The following FHIT variants were observed in gnomAD, a reference collection of about 807,000 sequenced individuals.
FHIT encodes bis(5'-adenosyl)-triphosphatase.
A neutral mutation model predicts 17.9 loss-of-function variants in FHIT; 19 were observed. The observed-to-expected ratio is 1.06, with a 90% CI of 0.74 to 1.56. The LOEUF is 1.56. FHIT is among the 40% of genes most tolerant of loss of function. The pLI is 0.00. For synonymous variants in FHIT, 81 were observed against 69.7 expected (o/e 1.16, Z -0.81); for missense variants, 248 against 189.2 (o/e 1.31, Z -1.82).
At chr3:60,003,552 C>G (rs666083) in intron 7 of FHIT, among the ~76,000 whole-genome samples, 2 of 151,876 alleles carry the variant, frequency 1.3e-5, no homozygotes, top group Admixed American at 1.3e-4. Context: ...TGAGACCAGC[C>G]TGGCCAACAT....
intron 4 of FHIT, among the ~76,000 whole-genome samples, chr3:60,650,446 A>G (rs1392523392): frequency 6.6e-6 from 1 of 152,128 alleles, no homozygotes; most frequent in Non-Finnish European, 1.5e-5. Context: ...TAGTCAGTCC[A>G]CTGTTTATCA....
intron 8 of FHIT, among the ~76,000 whole-genome samples, chr3:59,828,468 T>C: frequency 6.6e-6 from 1 of 152,218 alleles, no homozygotes; most frequent in Admixed American, 6.5e-5. Flanking sequence ...CTTTATACTC[T>C]GAAGCAAAGT....
At chr3:59,991,295 G>C (rs1709222562) in intron 7 of FHIT, among the ~76,000 whole-genome samples, 1 of 152,070 alleles carries the variant, frequency 6.6e-6, no homozygotes, top group Non-Finnish European at 1.5e-5. Context: ...TAGACTTTTA[G>C]TGATATTTTG....
intron 3 of FHIT, among the ~76,000 whole-genome samples, chr3:60,915,924 A>C (rs1553767005): frequency 6.6e-6 from 1 of 150,882 alleles, no homozygotes; most frequent in Non-Finnish European, 1.5e-5. Context: ...ACGTTGAAAA[A>C]TGTCTTCCCA....
chr3:60,066,583 T>C (rs981405112), intron 5 of FHIT, among the ~76,000 whole-genome samples: 1 of 149,474 alleles, frequency 6.7e-6, no homozygotes, highest in African/African-American at 2.4e-5. Context: ...GGCCACCTTG[T>C]ACTGTTCACT....
Position 60,427,264 on chromosome 3 carries a change from C to G in FHIT, c.103+109596G>C, listed in dbSNP as rs569490735. Among the ~76,000 whole-genome samples the G allele has an allele frequency of 1.1e-3, 172 of 152,168 alleles. 2 individuals are homozygous for G. Among genetic ancestry groups the G allele is most frequent in the African/African-American group, 4.1e-3 (170 of 41,546 alleles). On this transcript the variant is annotated intron_variant, in intron 5 of 9. Transcript: ENST00000492590. ...CTAGGAGCTGAGAATGAACGCTGCGCAGTAGCCGAAAGATAATGGGTGCCC... is the reference window on the plus strand; with the variant it reads ...CTAGGAGCTGAGAATGAACGCTGCGGAGTAGCCGAAAGATAATGGGTGCCC...
intron 2 of FHIT, among the ~76,000 whole-genome samples, chr3:61,168,013 C>T (rs1057491938): frequency 6.6e-6 from 1 of 152,194 alleles, no homozygotes; most frequent in African/African-American, 2.4e-5. Context: ...AGAATTGGCA[C>T]ACCACAGCCC....
intron 5 of FHIT, among the ~76,000 whole-genome samples, chr3:60,328,624 G>C (rs528012870): frequency 6.6e-6 from 1 of 152,226 alleles, no homozygotes; most frequent in Admixed American, 6.5e-5. Context: ...GATAGATTTG[G>C]GGGGGACACA....
chr3:60,023,781 A>T (rs1700637650), intron 5 of FHIT, among the ~76,000 whole-genome samples: 2 of 152,224 alleles, frequency 1.3e-5, no homozygotes, highest in Admixed American at 1.3e-4. Flanking sequence ...TGCTACACAC[A>T]GAGCTTAACA....
At position 60,114,072 on chromosome 3, in the gene FHIT, T is replaced by TAA. The variant is rs1553688073; in HGVS notation, c.104-99922_104-99921dup. Among the ~76,000 whole-genome samples the TAA allele has an allele frequency of 4.2e-3, 346 of 82,274 alleles. 15 individuals are homozygous for TAA. Among genetic ancestry groups the TAA allele is most frequent in the South Asian group, 0.018 (42 of 2,308 alleles). 54.0% of individuals were successfully genotyped at this position (82,274 alleles called of 152,430 possible). On this transcript the variant is annotated intron_variant, in intron 5 of 9. Coordinates refer to ENST00000492590, the MANE Select transcript of FHIT (RefSeq NM_002012.4). ...ATATATATATATATATATATATATA[T>TAA]AATGTTATATGTATCTTACCACAAT...
chr3:60,335,746 T>C (rs1290601472), intron 5 of FHIT, among the ~76,000 whole-genome samples: 2 of 152,150 alleles, frequency 1.3e-5, no homozygotes, highest in Non-Finnish European at 1.5e-5. Flanking sequence ...ATATATTGGG[T>C]TGGATAAACT....
intron 8 of FHIT, among the ~76,000 whole-genome samples, chr3:59,845,356 T>C (rs554670190): frequency 1.2e-4 from 19 of 152,198 alleles, no homozygotes; most frequent in African/African-American, 3.8e-4. Flanking sequence ...GTTATTTTTC[T>C]AGTTTCTAAG....
At chr3:60,409,975 G>C (rs139436786) in intron 5 of FHIT, among the ~76,000 whole-genome samples, 2 of 152,120 alleles carry the variant, frequency 1.3e-5, no homozygotes, top group East Asian at 3.9e-4. Context: ...CTTAAATAAT[G>C]GGAAAATCGA....
chr3:61,221,539 T>C (rs1256494442), intron 1 of FHIT, among the ~76,000 whole-genome samples: 1 of 150,238 alleles, frequency 6.7e-6, no homozygotes. Context: ...CAAAACTCTG[T>C]TCCTGGAGCA....
intron 4 of FHIT, among the ~76,000 whole-genome samples, chr3:60,767,157 T>A (rs557906012): frequency 6.6e-6 from 1 of 152,308 alleles, no homozygotes; most frequent in African/African-American, 2.4e-5. Flanking sequence ...TAACAGGCAT[T>A]TTAAAGATAA....
chr3:60,546,802 A>G (rs2036381443), intron 4 of FHIT, among the ~76,000 whole-genome samples: 1 of 152,200 alleles, frequency 6.6e-6, no homozygotes, highest in African/African-American at 2.4e-5. Flanking sequence ...AAAATAGTAG[A>G]TAATGAAGTA....
At chr3:60,119,237 C>A (rs770381227) in intron 5 of FHIT, among the ~76,000 whole-genome samples, 23 of 151,642 alleles carry the variant, frequency 1.5e-4, no homozygotes, top group Non-Finnish European at 2.4e-4. Flanking sequence ...CCATGCCCAG[C>A]TAATTTTTTA....
intron 5 of FHIT, among the ~76,000 whole-genome samples, chr3:60,204,599 T>G (rs1395963688): frequency 6.6e-6 from 1 of 151,316 alleles, no homozygotes; most frequent in Non-Finnish European, 1.5e-5. Context: ...CCTGAAAAGG[T>G]ATTTTTAAGG....
chr3:60,956,872 G>A (rs1709191894), intron 3 of FHIT, among the ~76,000 whole-genome samples: 1 of 152,040 alleles, frequency 6.6e-6, no homozygotes, highest in Non-Finnish European at 1.5e-5. Flanking sequence ...GGCTTCTACT[G>A]TCAGCGTCCT....
Sources: allele counts gnomAD v4.1 joint callset (sites outside exome capture counted in the v4.1 genomes callset), GRCh38; gene constraint gnomAD v4.1.1; transcripts MANE v1.5; gene names NCBI Gene and HGNC (gene_info 2026-07-23, HGNC 2026-07-21).